The following ERCC1 variants were observed in gnomAD, a reference collection of about 807,000 sequenced individuals.
ERCC1 encodes the protein DNA excision repair protein ERCC-1.
Under a neutral mutation model 37.6 loss-of-function variants are expected in ERCC1, and 36 were observed. That is an observed-to-expected ratio of 0.96 (90% CI 0.73 to 1.26). ERCC1 has a LOEUF of 1.26. Ranked by LOEUF, ERCC1 falls within the 50% of genes most tolerant of loss-of-function variation. The probability of loss-of-function intolerance (pLI) is 0.00; values close to 1 mark genes in which losing one functional copy is unlikely to be tolerated. For missense variants in ERCC1, 349 were observed against 376.5 expected, an observed-to-expected ratio of 0.93 and a Z score of 0.60; for synonymous variants, 156 against 162.1, an observed-to-expected ratio of 0.96 and a Z score of 0.28.
intron 1 of ERCC1, among the ~76,000 whole-genome samples, chr19:45,444,264 T>TCC (rs1224189939): frequency 7.9e-6 from 1 of 126,820 alleles, no homozygotes; most frequent in Non-Finnish European, 1.7e-5. Flanking sequence ...GTTCCCCATT[T>TCC]CCCCCCCTCC....
intron 1 of ERCC1, among the ~76,000 whole-genome samples, chr19:45,436,453 T>C (rs1175550781): frequency 6.6e-6 from 1 of 151,728 alleles, no homozygotes; most frequent in Non-Finnish European, 1.5e-5. Context: ...GGTGAAACCC[T>C]GTCTCTACTA....
intron 1 of ERCC1, among the ~76,000 whole-genome samples, chr19:45,443,559 T>C (rs575081372): frequency 3.3e-5 from 5 of 152,096 alleles, no homozygotes; most frequent in East Asian, 1.9e-4. Flanking sequence ...GACCCAGGCG[T>C]CTCCCTTGGG....
At chr19:45,432,203 C>T (rs975257123) in intron 1 of ERCC1, among the ~76,000 whole-genome samples, 7 of 151,916 alleles carry the variant, frequency 4.6e-5, no homozygotes, top group African/African-American at 1.7e-4. Flanking sequence ...ATCTCCTGAC[C>T]TCATGATCCA....
chr19:45,449,164 G>A (rs1443860764), intron 1 of ERCC1: 1 of 152,198 alleles, frequency 6.6e-6, no homozygotes, highest in Non-Finnish European at 1.5e-5. Flanking sequence ...GAGAAGGCAA[G>A]GCACTTACTT....
intron 1 of ERCC1, among the ~76,000 whole-genome samples, chr19:45,442,855 G>GC (rs986895393): frequency 6.6e-6 from 1 of 151,978 alleles, no homozygotes; most frequent in Admixed American, 6.6e-5. Flanking sequence ...GCAGGGCGTG[G>GC]CCCCTCCTCA....
At chr19:45,441,839 C>T (rs555222094) in intron 1 of ERCC1, among the ~76,000 whole-genome samples, 44 of 151,624 alleles carry the variant, frequency 2.9e-4, no homozygotes, top group African/African-American at 9.4e-4. Context: ...CATGCCACCA[C>T]GCCCAACTAA....
intron 6 of ERCC1, among the ~76,000 whole-genome samples, chr19:45,416,276 GTGTT>G (rs1326474371): frequency 6.6e-6 from 1 of 152,268 alleles, no homozygotes; most frequent in Non-Finnish European, 1.5e-5. Context: ...AGCACACAAA[GTGTT>G]TGTACTGGGT....
intron 2 of ERCC1, among the ~76,000 whole-genome samples, chr19:45,422,317 T>C (rs1248837288): frequency 1.3e-5 from 2 of 152,050 alleles, no homozygotes; most frequent in Non-Finnish European, 2.9e-5. Flanking sequence ...CCACCAGACT[T>C]CGTTCTGCCC....
chr19:45,413,653 T>TG (rs1191441136), intron 9 of ERCC1, 24 bp downstream of exon 9: 1 of 1,614,204 alleles, frequency 6.2e-7, no homozygotes, highest in East Asian at 2.2e-5. Context: ...CCCAACTCCT[T>TG]GGGTTCTTTC....
At chr19:45,438,163 G>C (rs771283233) in intron 1 of ERCC1, among the ~76,000 whole-genome samples, 32 of 152,116 alleles carry the variant, frequency 2.1e-4, no homozygotes, top group Non-Finnish European at 4.0e-4. Context: ...ACCCGCCTCC[G>C]TCTCCCAAAG....
At position 45,407,991 on chromosome 19, in the gene ERCC1, T is replaced by C. The variant is rs990425265; in HGVS notation, c.*1684A>G. 4.6e-6 allele frequency: 5 copies of C among 1,094,520 alleles called. No individual in the cohort carries two copies. In the African/African-American group the frequency reaches 7.8e-5, roughly 17 times the overall value. The allele number at this position is 1,094,520 out of a possible 1,614,324, so 67.8% of individuals were successfully genotyped here. A position where few individuals can be genotyped will look rare whatever the true frequency, so the allele number is the denominator to read the frequency against. ...ATCGCTTGAACCCAGGAGGTGGACA[T>C]TGCAGTGAGCCGAGATCATGCCACT... On this transcript the variant is annotated 3_prime_UTR_variant, in exon 10 of 10. Coordinates refer to ENST00000300853, the MANE Select transcript of ERCC1 (RefSeq NM_001983.4).
chr19:45,423,133 G>A (rs1974540703), intron 2 of ERCC1, 137 bp downstream of exon 2: 9 of 786,854 alleles, frequency 1.1e-5, no homozygotes, highest in Non-Finnish European at 1.7e-5. Flanking sequence ...GACCTGGGGA[G>A]GACCAAGGAC....
rs749560582 is a variant in ERCC1 at position 45,423,389 on chromosome 19, G to A, written c.-7-8C>T. On this transcript the variant is annotated splice_polypyrimidine_tract_variant and splice_region_variant and intron_variant, in intron 1 of 9. Transcript: ENST00000300853. ...CCAGGGTCCATCTGGAGCCTGAAAG[G>A]GAAGGTGCCAGGAGCGAGTGAGCCA... is the stretch of plus-strand genomic sequence containing the variant. 6.2e-7 allele frequency: 1 copy of A among 1,607,232 alleles called. No homozygotes were observed.
chr19:45,438,348 G>T (rs979694122), intron 1 of ERCC1, among the ~76,000 whole-genome samples: 1 of 152,172 alleles, frequency 6.6e-6, no homozygotes, highest in South Asian at 2.1e-4. Context: ...ATTTATAGGC[G>T]TGAGTCACCG....
chr19:45,422,628 G>A (rs977653027), intron 2 of ERCC1, among the ~76,000 whole-genome samples: 5 of 152,030 alleles, frequency 3.3e-5, no homozygotes, highest in South Asian at 2.1e-4. Flanking sequence ...AGCCAGGCGC[G>A]CTCCTGTAAT....
At chr19:45,441,961 T>C (rs888132282) in intron 1 of ERCC1, among the ~76,000 whole-genome samples, 1 of 151,948 alleles carries the variant, frequency 6.6e-6, no homozygotes, top group African/African-American at 2.4e-5. Context: ...GGATTACAGG[T>C]GTGAGCCACT....
At chr19:45,410,598 G>GTGTGTGTGTGTGTGTGTGTGTGT (rs1187372053) in intron 9 of ERCC1, 1 of 58,654 alleles carries the variant, frequency 1.7e-5, no homozygotes, top group African/African-American at 9.9e-5. Flanking sequence ...TGTGTGTGTG[G>GTGTGTGTGTGTGTGTGTGTGTGT]TACCCATTAA....
chr19:45,414,820 C>T (rs1447443382), intron 7 of ERCC1, 41 bp downstream of exon 7: 9 of 1,415,392 alleles, frequency 6.4e-6, no homozygotes, highest in African/African-American at 2.8e-5. Context: ...CCAGGAGCTG[C>T]GGGGAGGCCC....
chr19:45,417,759 A>G (rs1411038907), intron 5 of ERCC1, among the ~76,000 whole-genome samples: 2 of 151,962 alleles, frequency 1.3e-5, no homozygotes, highest in Non-Finnish European at 2.9e-5. Context: ...GAGTGCAGTG[A>G]CATGATCTTG....
Sources: gnomAD v4.1 joint callset for allele counts (sites outside exome capture counted in the v4.1 genomes callset) on GRCh38, gnomAD v4.1.1 for gene constraint, MANE v1.5 for transcripts, NCBI Gene and HGNC (gene_info 2026-07-23, HGNC 2026-07-21) for gene names.